Variants in SMOC1 observed in about 807,000 individuals in gnomAD.
The protein encoded by SMOC1 is SPARC related modular calcium binding 1, also known as SPARC-related modular calcium-binding protein 1.
Under a neutral mutation model 56.3 loss-of-function variants are expected in SMOC1, and 22 were observed. That is an observed-to-expected ratio of 0.39 (90% CI 0.28 to 0.56). The LOEUF is 0.56. Ranked by LOEUF, SMOC1 falls within the 20% of genes least tolerant of loss-of-function variation. The probability of loss-of-function intolerance (pLI) is 0.61; values close to 1 mark genes in which losing one functional copy is unlikely to be tolerated. For synonymous variants in SMOC1, 193 were observed against 215.0 expected, an observed-to-expected ratio of 0.90 and a Z score of 0.89; for missense variants, 509 against 565.4, an observed-to-expected ratio of 0.90 and a Z score of 1.01.
chr14:69,926,490 G>A (rs1885015705), intron 1 of SMOC1, among the ~76,000 whole-genome samples: 2 of 152,342 alleles, frequency 1.3e-5, no homozygotes, highest in South Asian at 4.1e-4. Context: ...AGGGCCAGGC[G>A]GCAGATGCAG....
intron 11 of SMOC1, among the ~76,000 whole-genome samples, chr14:70,028,613 A>G (rs1426091266): frequency 1.3e-5 from 2 of 152,136 alleles, no homozygotes; most frequent in African/African-American, 4.8e-5. Context: ...TGCTTCACAC[A>G]TCTCAGCCTG....
At chr14:69,964,471 G>C (rs186171352) in intron 3 of SMOC1, among the ~76,000 whole-genome samples, 1 of 151,206 alleles carries the variant, frequency 6.6e-6, no homozygotes, top group African/African-American at 2.4e-5. Flanking sequence ...TCCACCTCCT[G>C]GGTTCACGCC....
chr14:69,989,402 A>C (rs1325454948), intron 5 of SMOC1, among the ~76,000 whole-genome samples: 1 of 152,242 alleles, frequency 6.6e-6, no homozygotes, highest in Non-Finnish European at 1.5e-5. Flanking sequence ...TTGAGTTGTA[A>C]GGTTTACCTT....
chr14:69,961,411 C>T (rs537512422), intron 3 of SMOC1, among the ~76,000 whole-genome samples: 4 of 150,760 alleles, frequency 2.7e-5, no homozygotes, highest in South Asian at 2.1e-4. Flanking sequence ...GATGGGGTCT[C>T]GCTCTGTTGC....
chr14:69,923,645 T>A (rs1490187121), intron 1 of SMOC1, among the ~76,000 whole-genome samples: 4 of 152,214 alleles, frequency 2.6e-5, no homozygotes, highest in Admixed American at 1.3e-4. Context: ...CCCTGGTGAC[T>A]CTTACTGTAT....
At chr14:69,977,830 C>G in intron 4 of SMOC1, 88 bp from the exon 5 acceptor site, 1 of 981,976 alleles carries the variant, frequency 1.0e-6, no homozygotes, top group Admixed American at 1.7e-5. Context: ...ACCATATGCT[C>G]ATAACATCAG....
chr14:69,993,360 G>C (rs1004386396), intron 6 of SMOC1, among the ~76,000 whole-genome samples: 2 of 152,138 alleles, frequency 1.3e-5, no homozygotes, highest in Non-Finnish European at 2.9e-5. Flanking sequence ...AAAGTTTACT[G>C]TACTGAGTAC....
At chr14:69,932,663 G>A (rs112926880) in intron 1 of SMOC1, among the ~76,000 whole-genome samples, 2,762 of 152,282 alleles carry the variant, frequency 0.018, 37 homozygotes, top group Non-Finnish European at 0.025. Flanking sequence ...ATTCAAAGGC[G>A]GCTTTGTGGT....
chr14:70,016,913 A>G (rs188537727), intron 10 of SMOC1, among the ~76,000 whole-genome samples: 29 of 152,252 alleles, frequency 1.9e-4, no homozygotes, highest in Middle Eastern at 3.4e-3. Flanking sequence ...ACCCCTTTTT[A>G]ACTCAGCCTA....
intron 5 of SMOC1, among the ~76,000 whole-genome samples, chr14:69,985,457 A>T (rs1884332161): frequency 6.6e-6 from 1 of 152,122 alleles, no homozygotes; most frequent in African/African-American, 2.4e-5. Context: ...CACGAACAAG[A>T]AGCAGCTTTA....
At position 69,994,495 on chromosome 14, in the gene SMOC1, T is replaced by G. The variant is rs1360996992; in HGVS notation, c.664+15T>G. The G allele has an allele frequency of 6.3e-7, 1 of 1,592,654 alleles. No individual in the cohort carries two copies. The highest frequency in any genetic ancestry group is 8.6e-7 in the Non-Finnish European group (1 of 1,160,982). ...AAGAAATTCAGGTAAATAACCTTCCTTGGATTATATATGTACCCAGTCCAT... is the reference window on the plus strand; with the variant it reads ...AAGAAATTCAGGTAAATAACCTTCCGTGGATTATATATGTACCCAGTCCAT... On this transcript the variant is annotated intron_variant, in intron 7 of 11. Transcript: ENST00000361956.
At chr14:69,927,384 T>C (rs1350830141) in intron 1 of SMOC1, among the ~76,000 whole-genome samples, 1 of 152,130 alleles carries the variant, frequency 6.6e-6, no homozygotes, top group African/African-American at 2.4e-5. Context: ...TAGGGCTAAA[T>C]AAGATGGTAG....
intron 9 of SMOC1, 122 bp downstream of exon 9, chr14:70,011,689 C>A: frequency 3.3e-6 from 3 of 907,598 alleles, no homozygotes; most frequent in South Asian, 1.4e-5. Context: ...AGCCAGGAGC[C>A]GTGGGATCTA....
At chr14:69,934,148 C>T (rs1478329108) in intron 1 of SMOC1, among the ~76,000 whole-genome samples, 1 of 152,200 alleles carries the variant, frequency 6.6e-6, no homozygotes, top group Non-Finnish European at 1.5e-5. Context: ...GTGTGTCTCA[C>T]TGAAAGTCCA....
Position 70,023,369 on chromosome 14 carries a change from A to G in SMOC1, c.1213A>G (p.Thr405Ala), listed in dbSNP as rs774532379. 25 of 1,614,034 alleles carry G rather than the reference A, an allele frequency of 1.5e-5. No homozygotes were observed. The highest frequency in any genetic ancestry group is 1.9e-5 in the Non-Finnish European group (23 of 1,180,038). The change falls in exon 11 of 12, where the codon ACC becomes GCC. Residue 405 changes from threonine to alanine, a missense_variant. Coordinates refer to ENST00000361956, the MANE Select transcript of SMOC1 (RefSeq NM_001034852.3). The part of the protein sequence containing the change: ...AKPKKCARRF[T>A]DYCDLNKDKV... ...GCCCAAGAAATGTGCCCGGCGTTTCACCGACTACTGTGACCTGAACAAAGA... is the reference window on the plus strand; with the variant it reads ...GCCCAAGAAATGTGCCCGGCGTTTCGCCGACTACTGTGACCTGAACAAAGA...
intron 1 of SMOC1, among the ~76,000 whole-genome samples, chr14:69,924,701 C>T (rs914907405): frequency 1.1e-5 from 1 of 88,518 alleles, no homozygotes; most frequent in African/African-American, 4.6e-5. Context: ...GGTAAGGGAG[C>T]TAGGGGAGGT....
intron 7 of SMOC1, among the ~76,000 whole-genome samples, chr14:69,996,687 C>T (rs1371724964): frequency 1.3e-5 from 2 of 152,150 alleles, no homozygotes; most frequent in Non-Finnish European, 2.9e-5. Flanking sequence ...CTGTAAGGTT[C>T]GTGTATATGA....
chr14:70,012,584 G>C (rs1472285615), intron 9 of SMOC1, among the ~76,000 whole-genome samples: 2 of 152,196 alleles, frequency 1.3e-5, no homozygotes, highest in Non-Finnish European at 2.9e-5. Context: ...GGGGACAGAA[G>C]AGAATGAGCT....
chr14:69,953,575 G>T, intron 3 of SMOC1, 43 bp downstream of exon 3: 1 of 1,556,598 alleles, frequency 6.4e-7, no homozygotes, highest in Non-Finnish European at 8.9e-7. Flanking sequence ...CCTGGACCGA[G>T]GCAGAGGGGA....
Sources: gnomAD v4.1 joint callset for allele counts (sites outside exome capture counted in the v4.1 genomes callset) on GRCh38, gnomAD v4.1.1 for gene constraint, MANE v1.5 for transcripts, NCBI Gene and HGNC (gene_info 2026-07-23, HGNC 2026-07-21) for gene names.